Variants in TTLL11 observed in about 807,000 individuals in gnomAD.
The protein encoded by TTLL11 is tubulin tyrosine ligase like 11, also known as tubulin polyglutamylase TTLL11.
Under a neutral mutation model 51.7 loss-of-function variants are expected in TTLL11, and 42 were observed. That is an observed-to-expected ratio of 0.81 (90% CI 0.64 to 1.05). The LOEUF is 1.05. Among genes scored for constraint, TTLL11 ranks in the 50% least tolerant of loss-of-function variants. TTLL11 has a pLI of 0.00. For synonymous variants in TTLL11, 381 were observed against 383.5 expected, an observed-to-expected ratio of 0.99 and a Z score of 0.08; for missense variants, 799 against 940.4, an observed-to-expected ratio of 0.85 and a Z score of 1.97.
intron 6 of TTLL11, among the ~76,000 whole-genome samples, chr9:121,877,696 C>A (rs1838620403): frequency 6.6e-6 from 1 of 152,130 alleles, no homozygotes; most frequent in Non-Finnish European, 1.5e-5. Context: ...CCAGGAACTG[C>A]AATTTAAAAA....
rs1248402945 is a variant in TTLL11, at chr9:121,853,698, G to C, written c.1840+6639C>G. ...GCTTCACACAGCCATGGACGAGGCT[G>C]CCAGCACCACATTTCCTCTGTCTTC... On this transcript the variant is annotated intron_variant, in intron 8 of 8. Transcript: ENST00000321582. This position sits in a 1 kb window ranked among gnomAD's most constrained non-coding sequence, Gnocchi z 5.6. 6.6e-6 allele frequency among the ~76,000 whole-genome samples: 1 copy of C among 152,208 alleles called. No homozygotes were observed. The highest frequency in any genetic ancestry group is 1.5e-5 in the Non-Finnish European group (1 of 68,026).
At chr9:121,883,730 T>C (rs1838886984) in intron 6 of TTLL11, among the ~76,000 whole-genome samples, 1 of 152,210 alleles carries the variant, frequency 6.6e-6, no homozygotes, top group South Asian at 2.1e-4. Flanking sequence ...CAGTGGTGTT[T>C]CTCACAGAAG....
intron 6 of TTLL11, among the ~76,000 whole-genome samples, chr9:121,968,926 G>C (rs1842483786): frequency 6.6e-6 from 1 of 151,838 alleles, no homozygotes; most frequent in Non-Finnish European, 1.5e-5. Flanking sequence ...CTGGAGGGTA[G>C]TGGCACGATC....
intron 6 of TTLL11, among the ~76,000 whole-genome samples, chr9:121,895,430 TG>T (rs1244306445): frequency 2.0e-5 from 3 of 149,772 alleles, no homozygotes; most frequent in African/African-American, 7.6e-5. Flanking sequence ...GTGCGCTGCG[TG>T]TGTGTCTGTG....
intron 8 of TTLL11, among the ~76,000 whole-genome samples, chr9:121,846,887 AAAAC>A (rs1344142003): frequency 6.6e-6 from 1 of 152,196 alleles, no homozygotes; most frequent in African/African-American, 2.4e-5. Context: ...AATTTAATCC[AAAAC>A]AAACAGAAAG....
intron 6 of TTLL11, among the ~76,000 whole-genome samples, chr9:121,920,467 C>G (rs546102834): frequency 6.6e-6 from 1 of 152,296 alleles, no homozygotes; most frequent in South Asian, 2.1e-4. Context: ...CTCCATATCT[C>G]TCTGGTAAAC....
At chr9:121,897,923 C>CTTTTTTTTTT (rs113818323) in intron 6 of TTLL11, among the ~76,000 whole-genome samples, 58 of 143,168 alleles carry the variant, frequency 4.1e-4, no homozygotes, top group Middle Eastern at 7.1e-3. Context: ...TTCTTCTATT[C>CTTTTTTTTTT]TTTTTTTTTT....
chr9:121,927,760 G>A (rs1378081816), intron 6 of TTLL11, among the ~76,000 whole-genome samples: 1 of 152,012 alleles, frequency 6.6e-6, no homozygotes, highest in Admixed American at 6.6e-5. Context: ...GCTCTGAATA[G>A]AGTGAAGAGC....
chr9:121,870,787 T>C (rs765331047), intron 6 of TTLL11, 39 bp from the exon 7 acceptor site: 5 of 1,481,706 alleles, frequency 3.4e-6, no homozygotes, highest in African/African-American at 1.4e-5. Flanking sequence ...ACACTTTCCC[T>C]TTCAGTTTCT....
chr9:121,828,217 G>A (rs1171841843), intron 8 of TTLL11, among the ~76,000 whole-genome samples: 3 of 149,216 alleles, frequency 2.0e-5, no homozygotes, highest in African/African-American at 7.4e-5. Context: ...CTGTTTCCCA[G>A]GCTAGAGGAC....
At chr9:121,911,781 G>A (rs989892228) in intron 6 of TTLL11, among the ~76,000 whole-genome samples, 1 of 152,130 alleles carries the variant, frequency 6.6e-6, no homozygotes, top group Non-Finnish European at 1.5e-5. Flanking sequence ...GGTCTGTTGT[G>A]GGGGTGGGGA....
intron 8 of TTLL11, among the ~76,000 whole-genome samples, chr9:121,847,407 A>C (rs2131364195): frequency 6.6e-6 from 1 of 152,214 alleles, no homozygotes; most frequent in East Asian, 1.9e-4. Flanking sequence ...GAAAGAGAAA[A>C]GGTTATTAGA....
chr9:122,023,593 T>G (rs929611146), intron 3 of TTLL11, among the ~76,000 whole-genome samples: 1 of 151,990 alleles, frequency 6.6e-6, no homozygotes, highest in African/African-American at 2.4e-5. Context: ...GATAATATGT[T>G]ATGACTAAGT....
chr9:122,017,286 T>C (rs929491215), intron 3 of TTLL11, among the ~76,000 whole-genome samples: 1 of 152,100 alleles, frequency 6.6e-6, no homozygotes, highest in Admixed American at 6.5e-5. Flanking sequence ...CGTGTTTGGC[T>C]TTCACCCGTC....
chr9:121,924,247 A>T (rs959138216), intron 6 of TTLL11, among the ~76,000 whole-genome samples: 2 of 152,222 alleles, frequency 1.3e-5, no homozygotes, highest in African/African-American at 4.8e-5. Flanking sequence ...TTCAGTACTC[A>T]GTACAGTGCA....
intron 4 of TTLL11, chr9:121,988,774 A>G: frequency 4.3e-6 from 1 of 232,344 alleles, no homozygotes; most frequent in Non-Finnish European, 8.4e-6. Flanking sequence ...GACTCTATGC[A>G]TCAGCAAGCA....
At chr9:122,031,225 A>G (rs112011274) in intron 3 of TTLL11, among the ~76,000 whole-genome samples, 480 of 152,374 alleles carry the variant, frequency 3.2e-3, no homozygotes, top group Non-Finnish European at 5.8e-3. Context: ...GTGCTTCGAG[A>G]TGGAATGGGT....
chr9:122,085,286 G>C (rs527914853), intron 1 of TTLL11, among the ~76,000 whole-genome samples: 1 of 152,142 alleles, frequency 6.6e-6, no homozygotes, highest in Admixed American at 6.6e-5. Flanking sequence ...AACAAAGTAT[G>C]ACATAGGCAC....
intron 8 of TTLL11, among the ~76,000 whole-genome samples, chr9:121,855,450 G>C (rs1165051381): frequency 6.6e-6 from 1 of 152,042 alleles, no homozygotes; most frequent in East Asian, 1.9e-4. Flanking sequence ...TCAATAGCAA[G>C]GTCTCCTTTT....
Sources: allele counts gnomAD v4.1 joint callset (sites outside exome capture counted in the v4.1 genomes callset), GRCh38; gene constraint gnomAD v4.1.1; non-coding constraint Gnocchi (gnomAD v3.1); transcripts MANE v1.5; gene names NCBI Gene and HGNC (gene_info 2026-07-23, HGNC 2026-07-21).